Variants in EBF3 observed in about 807,000 individuals in gnomAD.
EBF3 encodes EBF transcription factor 3, also known as transcription factor COE3.
In EBF3, 18 loss-of-function variants were observed where a neutral mutation model predicts 77.1. The observed-to-expected ratio is 0.23, with a 90% CI of 0.16 to 0.35. The LOEUF (loss-of-function observed/expected upper bound fraction) is 0.35, where lower values mean the gene tolerates loss of function less well. Ranked by LOEUF, EBF3 falls within the 10% of genes least tolerant of loss-of-function variation. EBF3 has a pLI of 1.00. For synonymous variants in EBF3, 350 were observed against 343.5 expected (o/e 1.02, Z -0.21); for missense variants, 558 against 860.0 (o/e 0.65, Z 4.39).
At position 129,842,403 on chromosome 10, in the gene EBF3, G is replaced by A; in HGVS notation, c.1195-110C>T. The A allele has an allele frequency of 7.9e-7, 1 of 1,263,668 alleles. No individual in the cohort carries two copies. Among genetic ancestry groups the A allele is most frequent in the Non-Finnish European group, 1.1e-6 (1 of 930,890 alleles). The allele number at this position is 1,263,668 out of a possible 1,614,324, so 78.3% of individuals were successfully genotyped here. A position where few individuals can be genotyped will look rare whatever the true frequency, so the allele number is the denominator to read the frequency against. On this transcript the variant is annotated intron_variant, in intron 12 of 16. Coordinates refer to ENST00000440978, the MANE Select transcript of EBF3 (RefSeq NM_001375380.1). This position sits in a 1 kb window ranked among gnomAD's most constrained non-coding sequence, Gnocchi z 4.4. Reference sequence around the variant, plus strand: ...TCCCACTGTCCCTTGCCCAGACCATGACCAAATCTATTTCTTAATGGGCAA... The same window carrying A: ...TCCCACTGTCCCTTGCCCAGACCATAACCAAATCTATTTCTTAATGGGCAA...
rs901485938 is a variant in EBF3 at position 129,885,153 on chromosome 10, T to C, written c.555-7304A>G. Among the ~76,000 whole-genome samples, 2 of 152,218 alleles carry C rather than the reference T, an allele frequency of 1.3e-5. No individual in the cohort carries two copies. Among genetic ancestry groups the C allele is most frequent in the Admixed American group, 6.5e-5 (1 of 15,276 alleles). On this transcript the variant is annotated intron_variant, in intron 6 of 16. Coordinates refer to ENST00000440978, the MANE Select transcript of EBF3 (RefSeq NM_001375380.1). The surrounding 1 kb of genome is among the most constrained non-coding windows in gnomAD (Gnocchi z 4.0). The stretch of plus-strand genomic sequence containing the variant: ...AGCAGCGGCTGTCAAGAGGCACTTA[T>C]AGATACCATGATCTTGTACTTTTGC...
rs906528990 is a variant in EBF3, at chr10:129,862,411, T to C, written c.1039+4730A>G. ...GACTGCCAATATCTTGTTTAGTAAC[T>C]GGGTTCAGTCTGTCGCAGACAACAT... On this transcript the variant is annotated intron_variant, in intron 10 of 16. Transcript: ENST00000440978. Among the ~76,000 whole-genome samples the C allele has an allele frequency of 3.3e-5, 5 of 152,332 alleles. No individual in the cohort carries two copies. The East Asian group carries it at 7.7e-4, about 24-fold the overall frequency.
intron 6 of EBF3, among the ~76,000 whole-genome samples, chr10:129,878,839 A>AAAAAAAAAG (rs1564849972): frequency 4.8e-5 from 7 of 146,836 alleles, no homozygotes; most frequent in Admixed American, 6.9e-5. Flanking sequence ...AAAAAAAAAA[A>AAAAAAAAAG]AAAAAAATCT....
intron 6 of EBF3, among the ~76,000 whole-genome samples, chr10:129,882,062 G>A (rs1317407128): frequency 6.6e-6 from 1 of 152,242 alleles, no homozygotes; most frequent in Non-Finnish European, 1.5e-5. Flanking sequence ...TATCACACAA[G>A]AAAGGGGCAA....
At chr10:129,960,441 G>C (rs562626508) in intron 4 of EBF3, among the ~76,000 whole-genome samples, 1 of 152,340 alleles carries the variant, frequency 6.6e-6, no homozygotes, top group Admixed American at 6.5e-5. Flanking sequence ...GCAGGCCAAC[G>C]AGTCGCCTGG....
In EBF3 at chr10:129,935,709, C is replaced by T. The variant is rs1419700390; in HGVS notation, c.554+21549G>A. ...TCCTCCTACGTCAGCACTGGGGAGT[C>T]CAGAGGCCAACCCCGCAGTCACTGC... On this transcript the variant is annotated intron_variant, in intron 6 of 16. Coordinates refer to ENST00000440978, the MANE Select transcript of EBF3 (RefSeq NM_001375380.1). The surrounding 1 kb of genome is among the most constrained non-coding windows in gnomAD (Gnocchi z 4.2). 6.6e-6 allele frequency among the ~76,000 whole-genome samples: 1 copy of T among 152,194 alleles called. No homozygotes were observed. Among genetic ancestry groups the T allele is most frequent in the Non-Finnish European group, 1.5e-5 (1 of 68,028 alleles).
intron 6 of EBF3, among the ~76,000 whole-genome samples, chr10:129,918,639 A>AC: frequency 6.6e-6 from 1 of 152,018 alleles, no homozygotes; most frequent in South Asian, 2.1e-4. Context: ...GCCCTGCCCT[A>AC]CCCCCCTCCC....
Position 129,843,166 on chromosome 10 carries a change from C to G in EBF3, c.1165G>C (p.Ala389Pro), listed in dbSNP as rs779087702. The part of the protein sequence containing the change: ...LLKRAADLVE[A>P]LYGMPHNNQE... Reference sequence around the variant, plus strand: ...TTGTTGTGAGGCATTCCGTATAAGGCTTCCACCAGGTCCGCCGCCCGCTTC... The same window carrying G: ...TTGTTGTGAGGCATTCCGTATAAGGGTTCCACCAGGTCCGCCGCCCGCTTC... Residue 389 changes from alanine to proline, a missense_variant, in exon 12 of 17, where the codon GCC becomes CCC. Around this residue, in one of 5 missense-constraint regions of EBF3, gnomAD observed 284 missense variants for 368.3 expected, o/e 0.77. Coordinates refer to ENST00000440978, the MANE Select transcript of EBF3 (RefSeq NM_001375380.1). The G allele has an allele frequency of 6.2e-7, 1 of 1,613,674 alleles. No homozygotes were observed. The highest frequency in any genetic ancestry group is 8.5e-7 in the Non-Finnish European group (1 of 1,179,818).
chr10:129,838,455 TCTGACCGTG>T (rs1849763272), intron 16 of EBF3, among the ~76,000 whole-genome samples: 2 of 152,212 alleles, frequency 1.3e-5, no homozygotes, highest in Non-Finnish European at 2.9e-5. Flanking sequence ...AGGTCTGGGC[TCTGACCGTG>T]CGGTCATCTC....
rs1849683554 is a variant in EBF3, at chr10:129,837,514, T to TGAGTA, written c.*424_*428dup. 5.4e-6 allele frequency: 1 copy of TGAGTA among 184,534 alleles called. No homozygotes were observed. Among genetic ancestry groups the TGAGTA allele is most frequent in the African/African-American group, 2.4e-5 (1 of 41,902 alleles). 11.4% of individuals were successfully genotyped at this position (184,534 alleles called of 1,614,324 possible). On this transcript the variant is annotated 3_prime_UTR_variant, in exon 17 of 17. Coordinates refer to ENST00000440978, the MANE Select transcript of EBF3 (RefSeq NM_001375380.1). ...TACACAACCATTGTGAATCTAAGTA[T>TGAGTA]GAGTACAGAAAAATGTTTGGAGGCA...
At position 129,944,872 on chromosome 10, in the gene EBF3, G is replaced by A. The variant is rs759525126; in HGVS notation, c.554+12386C>T. Among the ~76,000 whole-genome samples, 2 of 151,370 alleles carry A rather than the reference G, an allele frequency of 1.3e-5. No individual in the cohort carries two copies. Among genetic ancestry groups the A allele is most frequent in the Non-Finnish European group, 2.9e-5 (2 of 67,934 alleles). ...TTCGAAAACACTATAGAATATGTAC[G>A]AAAATGTCAGGAGAACTGGGCATTT... On this transcript the variant is annotated intron_variant, in intron 6 of 16. Transcript: ENST00000440978. This position sits in a 1 kb window ranked among gnomAD's most constrained non-coding sequence, Gnocchi z 5.1.
In EBF3 at chr10:129,885,207, A is replaced by C. The variant is rs956343069; in HGVS notation, c.555-7358T>G. Among the ~76,000 whole-genome samples the C allele has an allele frequency of 9.9e-5, 15 of 152,216 alleles. No individual in the cohort carries two copies. The highest frequency in any genetic ancestry group is 3.6e-4 in the African/African-American group (15 of 41,446). On this transcript the variant is annotated intron_variant, in intron 6 of 16. Coordinates refer to ENST00000440978, the MANE Select transcript of EBF3 (RefSeq NM_001375380.1). The surrounding 1 kb of genome is among the most constrained non-coding windows in gnomAD (Gnocchi z 4.0). ...GATTCTCATTAAAATGATGCCAAAG[A>C]GATCTGATGGGATTTAATGGCTTTG... is the stretch of plus-strand genomic sequence containing the variant.
At chr10:129,871,548 G>T (rs1852409189) in intron 8 of EBF3, among the ~76,000 whole-genome samples, 1 of 152,140 alleles carries the variant, frequency 6.6e-6, no homozygotes, top group African/African-American at 2.4e-5. Flanking sequence ...ATGTGGGACT[G>T]ATGTAGAGCC....
At position 129,843,211 on chromosome 10, in the gene EBF3, A is replaced by C. The variant is rs552250926; in HGVS notation, c.1129-9T>G. On this transcript the variant is annotated splice_polypyrimidine_tract_variant and intron_variant, in intron 11 of 16. Coordinates refer to ENST00000440978, the MANE Select transcript of EBF3 (RefSeq NM_001375380.1). The stretch of plus-strand genomic sequence containing the variant: ...CGCTTCAGTAACACCTCCTAAAGGA[A>C]GAGCAGACAGGAGGTGATTCATGGG... The C allele has an allele frequency of 1.2e-6, 2 of 1,608,354 alleles. No homozygotes were observed. The highest frequency in any genetic ancestry group is 1.3e-5 in the African/African-American group (1 of 74,960).
At position 129,864,420 on chromosome 10, in the gene EBF3, C is replaced by G. The variant is rs904716436; in HGVS notation, c.1039+2721G>C. On this transcript the variant is annotated intron_variant, in intron 10 of 16. Coordinates refer to ENST00000440978, the MANE Select transcript of EBF3 (RefSeq NM_001375380.1). This position sits in a 1 kb window ranked among gnomAD's most constrained non-coding sequence, Gnocchi z 4.4. ...AGGCCTTTCTCTGCAGCACTGGGGA[C>G]AGAATCCCCAGGAGACAGCAGGCAA... Among the ~76,000 whole-genome samples, 1 of 152,204 alleles carries G rather than the reference C, an allele frequency of 6.6e-6. No individual in the cohort carries two copies. Among genetic ancestry groups the G allele is most frequent in the Non-Finnish European group, 1.5e-5 (1 of 68,040 alleles).
rs922755111 is a variant in EBF3 at position 129,876,899 on chromosome 10, C to A, written c.636+869G>T. Reference sequence around the variant, plus strand: ...TTCATCCCTGAACCCCCCCCCCCCCCCCACCCAGCTACCCCTCTGTATCCG... The same window carrying A: ...TTCATCCCTGAACCCCCCCCCCCCCACCACCCAGCTACCCCTCTGTATCCG... On this transcript the variant is annotated intron_variant, in intron 7 of 16. Transcript: ENST00000440978. Among the ~76,000 whole-genome samples the A allele has an allele frequency of 2.9e-4, 31 of 105,330 alleles. 1 individual carries two copies. In the South Asian group the frequency reaches 5.0e-3, roughly 17 times the overall value. 69.1% of individuals were successfully genotyped at this position (105,330 alleles called of 152,430 possible). A position where few individuals can be genotyped will look rare whatever the true frequency, so the allele number is the denominator to read the frequency against.
In EBF3 at chr10:129,879,794, C is replaced by T. The variant is rs747125757; in HGVS notation, c.555-1945G>A. On this transcript the variant is annotated intron_variant, in intron 6 of 16. Transcript: ENST00000440978. This position sits in a 1 kb window ranked among gnomAD's most constrained non-coding sequence, Gnocchi z 4.7. ...ATGAGGCGCACCTGCGGCCACACTG[C>T]ATTTGAACTGCATCAGAAAGGGCCT... 6.6e-6 allele frequency among the ~76,000 whole-genome samples: 1 copy of T among 152,220 alleles called. No individual in the cohort carries two copies. Among genetic ancestry groups the T allele is most frequent in the Non-Finnish European group, 1.5e-5 (1 of 68,040 alleles).
rs11368338 is a variant in EBF3 at position 129,925,591 on chromosome 10, C to CAAAAAAAA, written c.554+31659_554+31666dup. 3.8e-3 allele frequency among the ~76,000 whole-genome samples: 436 copies of CAAAAAAAA among 114,546 alleles called. 1 individual carries two copies. Among genetic ancestry groups the CAAAAAAAA allele is most frequent in the South Asian group, 0.015 (52 of 3,402 alleles). The allele number at this position is 114,546 out of a possible 152,430, so 75.1% of individuals were successfully genotyped here. ...TGGGTGGCAGAGCAAGACTCCATCT[C>CAAAAAAAA]AAAAAAAAAAAAAAAAGAAAGAAAG... On this transcript the variant is annotated intron_variant, in intron 6 of 16. Coordinates refer to ENST00000440978, the MANE Select transcript of EBF3 (RefSeq NM_001375380.1).
At chr10:129,846,559 C>T (rs1269818387) in intron 11 of EBF3, among the ~76,000 whole-genome samples, 1 of 151,460 alleles carries the variant, frequency 6.6e-6, no homozygotes, top group African/African-American at 2.4e-5. Context: ...TTTCTTTTTT[C>T]ATTCAAAATG....
Sources: allele counts gnomAD v4.1 joint callset (sites outside exome capture counted in the v4.1 genomes callset), GRCh38; gene constraint gnomAD v4.1.1; regional missense constraint gnomAD v4.1.1; non-coding constraint Gnocchi (gnomAD v3.1); transcripts MANE v1.5; gene names NCBI Gene and HGNC (gene_info 2026-07-23, HGNC 2026-07-21).